The following ATXN7L1 variants were observed in gnomAD, a reference collection of about 807,000 sequenced individuals.
ATXN7L1 encodes the protein ataxin-7-like protein 1.
In ATXN7L1, 15 loss-of-function variants were observed where a neutral mutation model predicts 70.8. The observed-to-expected ratio is 0.21, with a 90% confidence interval of 0.14 to 0.33. The LOEUF is 0.33. Ranked by LOEUF, ATXN7L1 falls within the 10% of genes least tolerant of loss-of-function variation. ATXN7L1 has a pLI of 1.00. For missense variants in ATXN7L1, 975 were observed against 1,097.1 expected, an observed-to-expected ratio of 0.89 and a Z score of 1.57; for synonymous variants, 440 against 445.1, an observed-to-expected ratio of 0.99 and a Z score of 0.14.
At chr7:105,683,718 C>T (rs994151118) in intron 3 of ATXN7L1, among the ~76,000 whole-genome samples, 5 of 152,082 alleles carry the variant, frequency 3.3e-5, no homozygotes, top group South Asian at 2.1e-4. Flanking sequence ...CAACTACCAC[C>T]GCCACTACCA....
intron 3 of ATXN7L1, among the ~76,000 whole-genome samples, chr7:105,686,959 T>C (rs915811889): frequency 1.3e-5 from 2 of 152,118 alleles, no homozygotes; most frequent in Non-Finnish European, 2.9e-5. Flanking sequence ...ATTCCTGACA[T>C]AGTTTCTGGA....
Position 105,662,073 on chromosome 7 carries a change from TCCTTCC to T in ATXN7L1, c.578+2987_578+2992del, listed in dbSNP as rs1199972984. Among the ~76,000 whole-genome samples the T allele has an allele frequency of 6.4e-5, 6 of 93,304 alleles. No individual in the cohort carries two copies. The East Asian group carries it at 3.6e-3, about 56-fold the overall frequency. The allele number at this position is 93,304 out of a possible 152,430, so 61.2% of individuals were successfully genotyped here. A position where few individuals can be genotyped will look rare whatever the true frequency, so the allele number is the denominator to read the frequency against. On this transcript the variant is annotated intron_variant, in intron 4 of 11. Coordinates refer to ENST00000419735, the MANE Select transcript of ATXN7L1 (RefSeq NM_020725.2). ...TTCCTTCCTTCCTTCCTTCCTTCCTTCCTTCCTTCTTTCTTTTCTTTTCTTTTCTTT... is the reference window on the plus strand; with the variant it reads ...TTCCTTCCTTCCTTCCTTCCTTCCTTTTCTTTCTTTTCTTTTCTTTTCTTT...
At chr7:105,758,450 G>A (rs1322783303) in intron 3 of ATXN7L1, among the ~76,000 whole-genome samples, 2 of 152,234 alleles carry the variant, frequency 1.3e-5, no homozygotes, top group Non-Finnish European at 2.9e-5. Context: ...GCCCGGCTCT[G>A]AACCATCACA....
intron 3 of ATXN7L1, among the ~76,000 whole-genome samples, chr7:105,730,467 T>C (rs1181346031): frequency 1.3e-5 from 2 of 151,714 alleles, no homozygotes; most frequent in South Asian, 2.1e-4. Context: ...GCGTGGTGGC[T>C]CACGCCTGTA....
rs1793461994 is a variant in ATXN7L1, at chr7:105,614,015, G to A, written c.2319C>T (p.Asp773=). The A allele has an allele frequency of 6.4e-7, 1 of 1,551,930 alleles. No individual in the cohort carries two copies. The highest frequency in any genetic ancestry group is 8.7e-7 in the Non-Finnish European group (1 of 1,147,076). Residue 773 remains aspartate (D), a synonymous_variant, in exon 10 of 12, where the codon GAC becomes GAT. Transcript: ENST00000419735. The surrounding 1 kb of genome is among the most constrained non-coding windows in gnomAD (Gnocchi z 4.3). ...NAVSSLPLSF[D]KSEGKKRKNS... is the part of the protein sequence containing the mutation. ...TCTTACGCTTTTTTCCTTCTGATTTGTCAAAAGAGAGGGGCAGAGAAGACA... is the reference window on the plus strand; with the variant it reads ...TCTTACGCTTTTTTCCTTCTGATTTATCAAAAGAGAGGGGCAGAGAAGACA...
intron 3 of ATXN7L1, among the ~76,000 whole-genome samples, chr7:105,705,745 TC>T (rs1257556726): frequency 6.6e-6 from 1 of 152,214 alleles, no homozygotes; most frequent in Non-Finnish European, 1.5e-5. Context: ...CTTGGTTAAC[TC>T]CTTGTTTTCT....
intron 2 of ATXN7L1, among the ~76,000 whole-genome samples, chr7:105,869,975 C>CTTTAA (rs2116676154): frequency 6.6e-6 from 1 of 152,258 alleles, no homozygotes; most frequent in Non-Finnish European, 1.5e-5. Flanking sequence ...CACTTAACTG[C>CTTTAA]ACTCTATTAA....
intron 3 of ATXN7L1, among the ~76,000 whole-genome samples, chr7:105,764,257 CAG>C (rs1479905229): frequency 2.0e-5 from 3 of 149,536 alleles, no homozygotes; most frequent in Non-Finnish European, 4.4e-5. Context: ...CAAAATCAGA[CAG>C]AGATAGATGT....
At chr7:105,702,962 A>G (rs1255980858) in intron 3 of ATXN7L1, among the ~76,000 whole-genome samples, 3 of 152,200 alleles carry the variant, frequency 2.0e-5, no homozygotes, top group Admixed American at 1.3e-4. Context: ...TAAAAATACA[A>G]AAAATTAGCA....
intron 2 of ATXN7L1, among the ~76,000 whole-genome samples, chr7:105,845,511 C>A (rs1488589895): frequency 6.9e-6 from 1 of 144,380 alleles, no homozygotes; most frequent in Non-Finnish European, 1.5e-5. Context: ...TGTAAGTACC[C>A]AGTCTTTTTT....
At chr7:105,753,972 C>T (rs1799489190) in intron 3 of ATXN7L1, among the ~76,000 whole-genome samples, 1 of 148,384 alleles carries the variant, frequency 6.7e-6, no homozygotes, top group Non-Finnish European at 1.5e-5. Context: ...CAGCTCTGCC[C>T]CCCCAAAAGC....
At chr7:105,611,392 GAC>G (rs1181642237) in intron 10 of ATXN7L1, among the ~76,000 whole-genome samples, 2 of 152,176 alleles carry the variant, frequency 1.3e-5, no homozygotes, top group African/African-American at 4.8e-5. Context: ...TTATTTTTGA[GAC>G]ACAGTCTCAC....
chr7:105,861,612 A>G (rs1440614190), intron 2 of ATXN7L1, among the ~76,000 whole-genome samples: 1 of 152,056 alleles, frequency 6.6e-6, no homozygotes, highest in Non-Finnish European at 1.5e-5. Context: ...GGGTGGGATG[A>G]GCACTCTGTG....
intron 3 of ATXN7L1, among the ~76,000 whole-genome samples, chr7:105,786,890 A>G (rs1174199928): frequency 1.3e-5 from 2 of 152,142 alleles, no homozygotes; most frequent in Non-Finnish European, 2.9e-5. Flanking sequence ...CATCCTTGTG[A>G]ATTGAGTGAA....
intron 3 of ATXN7L1, among the ~76,000 whole-genome samples, chr7:105,700,508 C>CAAAAAAAAAAAAAAAAAAAAAAAAAAA (rs1186998293): frequency 2.0e-5 from 1 of 49,810 alleles, no homozygotes; most frequent in Non-Finnish European, 3.5e-5. Flanking sequence ...GACTCTGTCT[C>CAAAAAAAAAAAAAAAAAAAAAAAAAAA]AAAAAAAAAA....
At chr7:105,742,118 G>A (rs143112146) in intron 3 of ATXN7L1, among the ~76,000 whole-genome samples, 3 of 152,282 alleles carry the variant, frequency 2.0e-5, no homozygotes, top group Non-Finnish European at 2.9e-5. Flanking sequence ...ACATTGTCAC[G>A]AACAGAGGCA....
rs186917297 is a variant in ATXN7L1, at chr7:105,721,537, C to T, written c.356-56249G>A. On this transcript the variant is annotated intron_variant, in intron 3 of 11. Transcript: ENST00000419735. Reference sequence around the variant, plus strand: ...CCGCCCTTACAGATGCTCACAGCCACGCCTGAGGCTTTGCCACATGGGAAG... The same window carrying T: ...CCGCCCTTACAGATGCTCACAGCCATGCCTGAGGCTTTGCCACATGGGAAG... Among the ~76,000 whole-genome samples the T allele has an allele frequency of 2.3e-4, 35 of 152,284 alleles. No individual in the cohort carries two copies. The East Asian group carries it at 5.0e-3, about 22-fold the overall frequency.
chr7:105,615,739 G>A (rs980992077), intron 9 of ATXN7L1, among the ~76,000 whole-genome samples: 1 of 152,202 alleles, frequency 6.6e-6, no homozygotes, highest in South Asian at 2.1e-4. Context: ...AATGTAGGAT[G>A]TGGACAGGAG....
At chr7:105,872,353 T>C (rs915543781) in intron 2 of ATXN7L1, among the ~76,000 whole-genome samples, 2 of 152,150 alleles carry the variant, frequency 1.3e-5, no homozygotes, top group Non-Finnish European at 2.9e-5. Context: ...TTTAGTCTAT[T>C]AAAAATATAT....
Sources: allele counts gnomAD v4.1 joint callset (sites outside exome capture counted in the v4.1 genomes callset), GRCh38; gene constraint gnomAD v4.1.1; non-coding constraint Gnocchi (gnomAD v3.1); transcripts MANE v1.5; gene names NCBI Gene and HGNC (gene_info 2026-07-23, HGNC 2026-07-21).